Variants in AOPEP observed in about 807,000 individuals in gnomAD.
AOPEP encodes the protein aminopeptidase O (putative).
In AOPEP, 77 loss-of-function variants were observed where a neutral mutation model predicts 98.1. That is an observed-to-expected ratio of 0.78 (90% CI 0.65 to 0.95). The LOEUF (loss-of-function observed/expected upper bound fraction) is 0.95, where lower values mean the gene tolerates loss of function less well. Among genes scored for constraint, AOPEP ranks in the 40% least tolerant of loss-of-function variants. AOPEP has a pLI of 0.00. For missense variants in AOPEP, 1,024 were observed against 1,024.7 expected, an observed-to-expected ratio of 1.00 and a Z score of 0.01; for synonymous variants, 346 against 365.3, an observed-to-expected ratio of 0.95 and a Z score of 0.60.
intron 7 of AOPEP, among the ~76,000 whole-genome samples, chr9:94,939,786 C>T (rs185477238): frequency 6.6e-6 from 1 of 152,078 alleles, no homozygotes; most frequent in South Asian, 2.1e-4. Flanking sequence ...TGCCCCCATA[C>T]CAAAATCTCA....
intron 5 of AOPEP, among the ~76,000 whole-genome samples, chr9:94,818,129 G>A (rs948186374): frequency 1.3e-5 from 2 of 152,184 alleles, no homozygotes; most frequent in African/African-American, 2.4e-5. Flanking sequence ...CAGCTCTGCC[G>A]TTGACTGCTG....
At chr9:94,801,064 T>C (rs1848114035) in intron 5 of AOPEP, 62 bp downstream of exon 5, 2 of 1,579,756 alleles carry the variant, frequency 1.3e-6, no homozygotes, top group South Asian at 1.1e-5. Context: ...GACTATGTCT[T>C]GCTTTCCTTG....
chr9:95,085,790 T>C, intron 16 of AOPEP: 1 of 743,866 alleles, frequency 1.3e-6, no homozygotes, highest in South Asian at 2.0e-5. Context: ...AAAATTCTTC[T>C]TACAAAAAAC....
chr9:94,847,555 G>T (rs2043018923), intron 5 of AOPEP, among the ~76,000 whole-genome samples: 1 of 152,230 alleles, frequency 6.6e-6, no homozygotes, highest in African/African-American at 2.4e-5. Flanking sequence ...TCTTATAGAT[G>T]ATTGAAGAAA....
intron 1 of AOPEP, among the ~76,000 whole-genome samples, chr9:94,735,929 G>C (rs1241174148): frequency 6.6e-6 from 1 of 152,116 alleles, no homozygotes; most frequent in Non-Finnish European, 1.5e-5. Context: ...GTGGCCCTTC[G>C]TATCTTCCTT....
chr9:94,991,270 C>T (rs542513139), intron 11 of AOPEP, among the ~76,000 whole-genome samples: 3 of 152,300 alleles, frequency 2.0e-5, no homozygotes, highest in African/African-American at 4.8e-5. Flanking sequence ...TTATGTGGTA[C>T]CAAATAGGTA....
chr9:94,977,332 G>A (rs1188017229), intron 10 of AOPEP, among the ~76,000 whole-genome samples: 6 of 152,060 alleles, frequency 3.9e-5, no homozygotes, highest in Non-Finnish European at 8.8e-5. Flanking sequence ...GAGCAGCCCT[G>A]GGCTTTCAGA....
intron 5 of AOPEP, among the ~76,000 whole-genome samples, chr9:94,821,970 A>AACACACACACACACACAC (rs34645632): frequency 4.2e-4 from 60 of 141,452 alleles, no homozygotes; most frequent in Non-Finnish European, 7.3e-4. Context: ...TGTGTGTGTA[A>AACACACACACACACACAC]ACACACACAC....
At chr9:95,144,645 A>G in the AOPEP span, among the ~76,000 whole-genome samples, 1 of 152,232 alleles carries the variant, frequency 6.6e-6, no homozygotes, top group Non-Finnish European at 1.5e-5. Flanking sequence ...GGCTGAGACC[A>G]TATTCTCCTG....
intron 2 of AOPEP, among the ~76,000 whole-genome samples, chr9:94,766,755 A>G (rs955302117): frequency 6.6e-6 from 1 of 152,216 alleles, no homozygotes; most frequent in African/African-American, 2.4e-5. Context: ...AAGATAAGAG[A>G]GCTAACTGGG....
chr9:95,044,115 C>T (rs549539257), intron 13 of AOPEP, among the ~76,000 whole-genome samples: 3 of 152,014 alleles, frequency 2.0e-5, no homozygotes, highest in Admixed American at 6.6e-5. Context: ...GCAGAGCTGC[C>T]GAGGTTAAGC....
At chr9:95,129,681 T>C in the AOPEP span, among the ~76,000 whole-genome samples, 1 of 152,242 alleles carries the variant, frequency 6.6e-6, no homozygotes, top group Non-Finnish European at 1.5e-5. Flanking sequence ...CTTCTCCATC[T>C]GGCCTAACAA....
At chr9:94,819,574 A>T (rs1217300261) in intron 5 of AOPEP, among the ~76,000 whole-genome samples, 1 of 151,914 alleles carries the variant, frequency 6.6e-6, no homozygotes. Context: ...TGCAAACGGG[A>T]TTTTATTGTT....
chr9:95,073,278 G>C (rs989396804), intron 14 of AOPEP, among the ~76,000 whole-genome samples: 1 of 152,278 alleles, frequency 6.6e-6, no homozygotes, highest in South Asian at 2.1e-4. Context: ...CCCCCATCTT[G>C]GGGAGCTGGA....
At chr9:94,855,137 G>A (rs1465665964) in intron 5 of AOPEP, among the ~76,000 whole-genome samples, 4 of 152,020 alleles carry the variant, frequency 2.6e-5, no homozygotes, top group Admixed American at 2.0e-4. Flanking sequence ...TCGTGCAATG[G>A]TATAATCTCG....
chr9:95,043,935 C>T (rs1029449293), intron 13 of AOPEP, among the ~76,000 whole-genome samples: 1 of 152,156 alleles, frequency 6.6e-6, no homozygotes, highest in Non-Finnish European at 1.5e-5. Flanking sequence ...TAGTTGTAAC[C>T]GCTGTGTACA....
the AOPEP span, among the ~76,000 whole-genome samples, chr9:95,096,000 CTAAG>C: frequency 1.4e-4 from 22 of 152,248 alleles, no homozygotes; most frequent in Non-Finnish European, 2.6e-4. Context: ...CCTTATTTAT[CTAAG>C]TAAGTAATGC....
chr9:94,728,245 A>G (rs929648230), intron 1 of AOPEP, among the ~76,000 whole-genome samples: 19 of 144,424 alleles, frequency 1.3e-4, no homozygotes, highest in East Asian at 6.1e-4. Flanking sequence ...GCATGCACAC[A>G]CACACACACA....
At chr9:95,041,049 C>CAAA (rs34241267) in intron 13 of AOPEP, among the ~76,000 whole-genome samples, 2 of 144,148 alleles carry the variant, frequency 1.4e-5, no homozygotes, top group Non-Finnish European at 1.5e-5. Context: ...CTCCACACTC[C>CAAA]AAAAAAAAAA....
Sources: allele counts gnomAD v4.1 joint callset (sites outside exome capture counted in the v4.1 genomes callset), GRCh38; gene constraint gnomAD v4.1.1; transcripts MANE v1.5; gene names NCBI Gene and HGNC (gene_info 2026-07-23, HGNC 2026-07-21).